GTF2H1: variants seen among roughly 807,000 people sequenced by gnomAD.
GTF2H1 encodes BTF2 p62.
In GTF2H1, 16 loss-of-function variants were observed where a neutral mutation model predicts 71.2. That is an observed-to-expected ratio of 0.22 (90% confidence interval 0.15 to 0.34). GTF2H1 has a LOEUF of 0.34. Among genes scored for constraint, GTF2H1 ranks in the 10% least tolerant of loss-of-function variants. GTF2H1 has a pLI of 1.00. For synonymous variants in GTF2H1, 215 were observed against 219.0 expected, an observed-to-expected ratio of 0.98 and a Z score of 0.16; for missense variants, 498 against 648.2, an observed-to-expected ratio of 0.77 and a Z score of 2.52.
chr11:18,352,266 A>C (rs1292673948), intron 10 of GTF2H1, 63 bp from the exon 11 acceptor site: 1 of 777,776 alleles, frequency 1.3e-6, no homozygotes, highest in South Asian at 1.6e-5. Context: ...AAAATGTTGC[A>C]AAGACAAATG....
intron 1 of GTF2H1, chr11:18,332,781 A>G (rs777598304): frequency 3.8e-5 from 8 of 211,126 alleles, no homozygotes; most frequent in Non-Finnish European, 6.6e-5. Context: ...TTGTGTGTGT[A>G]TAAGAATATA....
chr11:18,344,661 AAT>A (rs1865243363), intron 7 of GTF2H1, among the ~76,000 whole-genome samples: 1 of 151,692 alleles, frequency 6.6e-6, no homozygotes. Flanking sequence ...ATCAGATCCT[AAT>A]AATCCCCTAT....
intron 5 of GTF2H1, 42 bp downstream of exon 5, chr11:18,339,699 T>C (rs761670003): frequency 6.2e-6 from 7 of 1,133,828 alleles, no homozygotes; most frequent in Non-Finnish European, 9.3e-6. Context: ...AATATATGGA[T>C]ATATTCTATA....
intron 9 of GTF2H1, among the ~76,000 whole-genome samples, chr11:18,351,081 C>G (rs765116237): frequency 2.0e-5 from 3 of 152,040 alleles, no homozygotes; most frequent in Non-Finnish European, 4.4e-5. Context: ...CTTAGATTCC[C>G]TATTTTACTC....
intron 7 of GTF2H1, among the ~76,000 whole-genome samples, chr11:18,345,793 T>G (rs1007654406): frequency 5.8e-5 from 7 of 120,878 alleles, no homozygotes; most frequent in Admixed American, 5.6e-4. Context: ...CCAGCACATA[T>G]GAGTTTTTTT....
intron 14 of GTF2H1, among the ~76,000 whole-genome samples, chr11:18,360,963 G>A (rs1037497684): frequency 1.3e-5 from 2 of 151,630 alleles, no homozygotes; most frequent in Non-Finnish European, 2.9e-5. Context: ...ATGCTGCCAC[G>A]CCCAGCTAAT....
chr11:18,327,618 A>G (rs1182949938), intron 1 of GTF2H1, among the ~76,000 whole-genome samples: 2 of 152,212 alleles, frequency 1.3e-5, no homozygotes, highest in East Asian at 1.9e-4. Context: ...CAAATTCTAG[A>G]TGATGGAGAA....
intron 8 of GTF2H1, 58 bp downstream of exon 8, chr11:18,347,773 T>C (rs1865331689): frequency 1.9e-6 from 3 of 1,597,240 alleles, no homozygotes; most frequent in African/African-American, 2.7e-5. Flanking sequence ...CAGATGGAGT[T>C]GTGGTGTTGT....
chr11:18,345,406 A>G (rs1037915248), intron 7 of GTF2H1, among the ~76,000 whole-genome samples: 6 of 151,354 alleles, frequency 4.0e-5, no homozygotes, highest in Admixed American at 4.0e-4. Flanking sequence ...CATGAAGCTG[A>G]CTTTGTTCTG....
intron 1 of GTF2H1, among the ~76,000 whole-genome samples, chr11:18,328,203 A>T (rs1256738731): frequency 5.7e-5 from 1 of 17,562 alleles, no homozygotes; most frequent in East Asian, 2.8e-3. Flanking sequence ...ACTCCATCTC[A>T]AAAAAAAAAA....
At chr11:18,346,037 G>A (rs993053990) in intron 7 of GTF2H1, among the ~76,000 whole-genome samples, 3 of 149,280 alleles carry the variant, frequency 2.0e-5, no homozygotes, top group Non-Finnish European at 3.0e-5. Flanking sequence ...TGATCCACCC[G>A]CCTCAGCCTC....
intron 1 of GTF2H1, among the ~76,000 whole-genome samples, chr11:18,328,307 A>G (rs1458497915): frequency 1.3e-5 from 2 of 150,730 alleles, no homozygotes; most frequent in Admixed American, 1.3e-4. Flanking sequence ...GGTCAGGAGT[A>G]CAAGACCAGC....
Position 18,352,406 on chromosome 11 carries a change from T to G in GTF2H1, c.1220T>G (p.Ile407Ser). The G allele has an allele frequency of 6.4e-7, 1 of 1,569,388 alleles. No homozygotes were observed. Among genetic ancestry groups the G allele is most frequent in the Non-Finnish European group, 8.8e-7 (1 of 1,139,538 alleles). ...GACATTATTAATTCTTTTCAAAGTATTAGACAAGAAATGGAAGCTTATACA... is the reference window on the plus strand; with the variant it reads ...GACATTATTAATTCTTTTCAAAGTAGTAGACAAGAAATGGAAGCTTATACA... ...SQDIINSFQS[I>S]RQEMEAYTPK... The change falls in exon 11 of 15, where the codon ATT becomes AGT. Residue 407 changes from isoleucine to serine, a missense_variant. Ile to Ser is a moderately radical substitution (Grantham distance 142). Coordinates refer to ENST00000265963, the MANE Select transcript of GTF2H1 (RefSeq NM_005316.4).
At chr11:18,339,732 G>A (rs1590187229) in intron 5 of GTF2H1, 75 bp downstream of exon 5, 1 of 869,698 alleles carries the variant, frequency 1.1e-6, no homozygotes, top group African/African-American at 1.7e-5. Flanking sequence ...AAAACAAAAA[G>A]CTTCAGATTC....
intron 9 of GTF2H1, chr11:18,348,669 G>A (rs1220003182): frequency 6.6e-6 from 1 of 152,122 alleles, no homozygotes; most frequent in Non-Finnish European, 1.5e-5. Flanking sequence ...TGATGCAACT[G>A]TTCATTATTT....
At chr11:18,359,161 A>G (rs1865638758) in intron 13 of GTF2H1, among the ~76,000 whole-genome samples, 1 of 152,268 alleles carries the variant, frequency 6.6e-6, no homozygotes, top group Admixed American at 6.5e-5. Context: ...CTTTACAAGC[A>G]ACTCACTAAA....
At chr11:18,332,982 G>T in intron 1 of GTF2H1, 78 bp from the exon 2 acceptor site, 1 of 865,226 alleles carries the variant, frequency 1.2e-6, no homozygotes, top group Non-Finnish European at 1.7e-6. Flanking sequence ...TATTTGAAAG[G>T]GACTCTAGAA....
chr11:18,352,011 TC>T (rs763625513), intron 10 of GTF2H1, 42 bp downstream of exon 10: 1 of 982,358 alleles, frequency 1.0e-6, no homozygotes, highest in African/African-American at 1.6e-5. Flanking sequence ...ATGTAACAAT[TC>T]AGTCCAAAAT....
chr11:18,346,427 CT>C (rs1201574379), intron 7 of GTF2H1, among the ~76,000 whole-genome samples: 3 of 152,148 alleles, frequency 2.0e-5, no homozygotes, highest in Admixed American at 2.0e-4. Context: ...CTCTGTGAAC[CT>C]TTTTCGAACC....
Sources: gnomAD v4.1 joint callset for allele counts (sites outside exome capture counted in the v4.1 genomes callset) on GRCh38, gnomAD v4.1.1 for gene constraint, MANE v1.5 for transcripts, NCBI Gene and HGNC (gene_info 2026-07-23, HGNC 2026-07-21) for gene names.